ZFHX3: variants seen among roughly 807,000 people sequenced by gnomAD.
ZFHX3 encodes the protein zinc finger homeobox 3, also known as zinc finger homeobox protein 3.
In ZFHX3, 42 loss-of-function variants were observed where a neutral mutation model predicts 279.1. That is an observed-to-expected ratio of 0.15 (90% CI 0.12 to 0.19). The LOEUF (loss-of-function observed/expected upper bound fraction) is 0.19. ZFHX3 is among the 10% of genes least tolerant of loss of function. The pLI is 1.00. For missense variants in ZFHX3, 4,981 were observed against 4,754.0 expected (o/e 1.05, Z -1.40); for synonymous variants, 2,293 against 1,957.8 (o/e 1.17, Z -4.52).
chr16:73,433,190 G>C (rs1597333717), intron 3 of ZFHX3, among the ~76,000 whole-genome samples: 1 of 152,204 alleles, frequency 6.6e-6, no homozygotes, highest in East Asian at 1.9e-4. Flanking sequence ...CTGCCACTGA[G>C]TATTACTATC....
At chr16:73,742,988 A>G (rs2053672732) in intron 1 of ZFHX3, among the ~76,000 whole-genome samples, 1 of 152,224 alleles carries the variant, frequency 6.6e-6, no homozygotes, top group Non-Finnish European at 1.5e-5. Flanking sequence ...GAGGTAGGAA[A>G]TGAGAGTCCT....
At chr16:73,203,202 A>G (rs895861264) in intron 5 of ZFHX3, among the ~76,000 whole-genome samples, 1 of 152,098 alleles carries the variant, frequency 6.6e-6, no homozygotes, top group African/African-American at 2.4e-5. Flanking sequence ...GGTCGAGACT[A>G]TGCATCAACT....
At chr16:73,033,856 A>G (rs183680489) in intron 1 of ZFHX3, among the ~76,000 whole-genome samples, 8 of 152,302 alleles carry the variant, frequency 5.3e-5, no homozygotes, top group African/African-American at 7.2e-5. Context: ...TTGTTGTCAC[A>G]TGTATTGACC....
chr16:73,220,904 T>C (rs537300573), intron 5 of ZFHX3, among the ~76,000 whole-genome samples: 1 of 152,266 alleles, frequency 6.6e-6, no homozygotes, highest in Admixed American at 6.5e-5. Context: ...GCGATGGATG[T>C]TTTTGTGCAT....
At chr16:73,474,245 T>C (rs1441850790) in intron 2 of ZFHX3, among the ~76,000 whole-genome samples, 1 of 152,034 alleles carries the variant, frequency 6.6e-6, no homozygotes, top group Non-Finnish European at 1.5e-5. Flanking sequence ...CCTCCCAGGC[T>C]CAAGTGATTC....
chr16:73,073,557 G>A (rs1389890901), intron 8 of ZFHX3, among the ~76,000 whole-genome samples: 1 of 152,094 alleles, frequency 6.6e-6, no homozygotes, highest in Non-Finnish European at 1.5e-5. Flanking sequence ...GGAGTGCAGG[G>A]GCACGATCTC....
At chr16:73,495,707 T>C (rs563701466) in intron 2 of ZFHX3, among the ~76,000 whole-genome samples, 1 of 152,198 alleles carries the variant, frequency 6.6e-6, no homozygotes, top group Non-Finnish European at 1.5e-5. Context: ...CCATCACCTC[T>C]GACCCAGAAA....
intron 5 of ZFHX3, among the ~76,000 whole-genome samples, chr16:72,829,019 A>T (rs772675720): frequency 6.8e-6 from 1 of 147,070 alleles, no homozygotes; most frequent in East Asian, 2.1e-4. Context: ...TCCCCGAGAT[A>T]GAGTCTCACT....
At chr16:72,906,094 G>A (rs970980663) in intron 3 of ZFHX3, among the ~76,000 whole-genome samples, 1 of 151,824 alleles carries the variant, frequency 6.6e-6, no homozygotes, top group East Asian at 2.0e-4. Flanking sequence ...CTTCTGACTG[G>A]CCAACCCCCC....
At chr16:73,445,226 ATGTG>A (rs1352250920) in intron 3 of ZFHX3, among the ~76,000 whole-genome samples, 1 of 150,556 alleles carries the variant, frequency 6.6e-6, no homozygotes, top group Non-Finnish European at 1.5e-5. Flanking sequence ...TATATAATTC[ATGTG>A]TATGTATGTA....
chr16:72,939,043 C>A (rs1377865722), intron 3 of ZFHX3, among the ~76,000 whole-genome samples: 2 of 152,202 alleles, frequency 1.3e-5, no homozygotes, highest in Non-Finnish European at 2.9e-5. Context: ...CGCCACTTGG[C>A]CTGGCTCACT....
intron 2 of ZFHX3, among the ~76,000 whole-genome samples, chr16:73,651,680 CAAAAAAAAAAAAAAAAAA>C (rs57386925): frequency 6.2e-4 from 26 of 41,668 alleles, no homozygotes; most frequent in South Asian, 3.0e-3. Flanking sequence ...ACTAAAAATA[CAAAAAAAAAAAAAAAAAA>C]AAAAAAAAAA....
chr16:73,440,902 T>C (rs960019868), intron 3 of ZFHX3, among the ~76,000 whole-genome samples: 3 of 152,354 alleles, frequency 2.0e-5, no homozygotes, highest in Non-Finnish European at 4.4e-5. Context: ...GTGCCAGCTT[T>C]TAGCAAATAG....
chr16:72,903,082 G>GAACCC (rs71391464), intron 3 of ZFHX3, among the ~76,000 whole-genome samples: 26,030 of 152,000 alleles, frequency 0.17, 2,481 homozygotes, highest in Non-Finnish European at 0.22. Flanking sequence ...GCTCTATGGG[G>GAACCC]AACCCATGAG....
chr16:73,489,563 AC>A (rs1459143646), intron 2 of ZFHX3, among the ~76,000 whole-genome samples: 1 of 152,220 alleles, frequency 6.6e-6, no homozygotes, highest in Non-Finnish European at 1.5e-5. Flanking sequence ...TGCAACAAAT[AC>A]CAATGCTAGC....
intron 1 of ZFHX3, among the ~76,000 whole-genome samples, chr16:73,866,121 G>A (rs1207349522): frequency 6.8e-6 from 1 of 146,170 alleles, no homozygotes; most frequent in African/African-American, 2.5e-5. Context: ...TCTCACCACA[G>A]CCTACCAAGT....
At position 72,904,367 on chromosome 16, in the gene ZFHX3, A is replaced by AAAT. The variant is rs372466280; in HGVS notation, c.3217-14406_3217-14405insATT. On this transcript the variant is annotated intron_variant, in intron 3 of 9. Transcript: ENST00000268489. ...TGGCAACAGAGTGAGATTCTGTCTC[A>AAAT]AAATAAATAAATAAATAAATAAATA... Among the ~76,000 whole-genome samples the AAAT allele has an allele frequency of 3.6e-5, 5 of 140,072 alleles. No individual in the cohort carries two copies. The South Asian group carries it at 1.2e-3, about 35-fold the overall frequency. 91.9% of individuals were successfully genotyped at this position (140,072 alleles called of 152,430 possible).
At chr16:73,527,181 T>G (rs1373935898) in intron 2 of ZFHX3, among the ~76,000 whole-genome samples, 1 of 152,134 alleles carries the variant, frequency 6.6e-6, no homozygotes, top group African/African-American at 2.4e-5. Context: ...CTATATAGTT[T>G]TTTTGATTTC....
intron 5 of ZFHX3, among the ~76,000 whole-genome samples, chr16:73,234,804 G>A (rs949597151): frequency 2.6e-5 from 4 of 152,214 alleles, no homozygotes; most frequent in Admixed American, 2.0e-4. Context: ...GGGGTAGGAA[G>A]TGTCTTCTGG....
Sources: allele counts gnomAD v4.1 joint callset (sites outside exome capture counted in the v4.1 genomes callset), GRCh38; gene constraint gnomAD v4.1.1; transcripts MANE v1.5; gene names NCBI Gene and HGNC (gene_info 2026-07-23, HGNC 2026-07-21).